The following RGS3 variants were observed in gnomAD, a reference collection of about 807,000 sequenced individuals.
RGS3 encodes the protein regulator of G-protein signalling 3.
In RGS3, 80 loss-of-function variants were observed where a neutral mutation model predicts 132.6. That is an observed-to-expected ratio of 0.60 (90% confidence interval 0.50 to 0.73). The LOEUF is 0.73. Among genes scored for constraint, RGS3 ranks in the 30% least tolerant of loss-of-function variants. RGS3 has a pLI of 0.00. For synonymous variants in RGS3, 598 were observed against 620.6 expected (o/e 0.96, Z 0.54); for missense variants, 1,382 against 1,530.8 (o/e 0.90, Z 1.62).
At chr9:113,596,982 C>T (rs370377985) in exon 25 of RGS3, 2 of 1,563,494 alleles carry the variant, frequency 1.3e-6, no homozygotes, top group East Asian at 2.3e-5. Flanking sequence ...TCAGCGTTCA[C>T]ACCAGGCGGG....
At chr9:113,550,091 C>T (rs1225367863) in intron 19 of RGS3, among the ~76,000 whole-genome samples, 4 of 152,196 alleles carry the variant, frequency 2.6e-5, no homozygotes, top group Admixed American at 6.5e-5. Flanking sequence ...TTGTTGGGCG[C>T]GGTGGCTCAT....
In RGS3 at chr9:113,591,499, G is replaced by T. The variant is rs777796258; in HGVS notation, c.3080+102G>T. ...AGGTGGGGAGAAGAGGTTGTGCCTG[G>T]TCCCGCCCACAACCCCAGACAGACA... On this transcript the variant is annotated intron_variant, in intron 21 of 24. Coordinates refer to ENST00000350696, the Ensembl canonical transcript of RGS3. The surrounding 1 kb of genome is among the most constrained non-coding windows in gnomAD (Gnocchi z 4.4). 1.9e-6 allele frequency: 2 copies of T among 1,042,670 alleles called. No individual in the cohort carries two copies. Among genetic ancestry groups the T allele is most frequent in the South Asian group, 2.6e-5 (2 of 77,494 alleles). The allele number at this position is 1,042,670 out of a possible 1,614,324, so 64.6% of individuals were successfully genotyped here.
At chr9:113,483,400 G>A (rs1830226489) in intron 5 of RGS3, among the ~76,000 whole-genome samples, 1 of 152,206 alleles carries the variant, frequency 6.6e-6, no homozygotes, top group Non-Finnish European at 1.5e-5. Flanking sequence ...AAATCCACAG[G>A]TAATCCCAAG....
chr9:113,473,664 G>C (rs1401628280), intron 3 of RGS3, among the ~76,000 whole-genome samples: 2 of 152,184 alleles, frequency 1.3e-5, no homozygotes, highest in African/African-American at 4.8e-5. Flanking sequence ...TGGGATTACA[G>C]GTGTGAGCCA....
At chr9:113,555,413 C>T (rs766168262) in intron 19 of RGS3, among the ~76,000 whole-genome samples, 49 of 152,162 alleles carry the variant, frequency 3.2e-4, no homozygotes, top group Non-Finnish European at 6.3e-4. Context: ...TCTCTGCTTT[C>T]CTCCATACCT....
upstream of RGS3, among the ~76,000 whole-genome samples, chr9:113,455,804 T>C (rs1400740870): frequency 1.3e-5 from 2 of 152,184 alleles, no homozygotes; most frequent in East Asian, 3.8e-4. Context: ...AGGCAAATCC[T>C]TCATTTCAAG....
rs144088247 is a variant in RGS3 at position 113,591,051 on chromosome 9, C to T, written c.3016-282C>T. ...ACCTGCTCACTGCCTGCAATGAAGC[C>T]TCTGTCCTGAGTGCCAGCCGTCTGG... On this transcript the variant is annotated intron_variant, in intron 20 of 24. Transcript: ENST00000350696. This position sits in a 1 kb window ranked among gnomAD's most constrained non-coding sequence, Gnocchi z 4.4. Among the ~76,000 whole-genome samples the T allele has an allele frequency of 6.8e-4, 103 of 152,348 alleles. 1 individual carries two copies. The East Asian group carries it at 0.019, about 28-fold the overall frequency.
chr9:113,539,536 C>T (rs1333772468), intron 19 of RGS3, among the ~76,000 whole-genome samples: 1 of 152,210 alleles, frequency 6.6e-6, no homozygotes, highest in African/African-American at 2.4e-5. Context: ...TCTCGAACTC[C>T]TGACCTCAAG....
chr9:113,568,082 A>G (rs1834090769), intron 19 of RGS3, among the ~76,000 whole-genome samples: 1 of 152,238 alleles, frequency 6.6e-6, no homozygotes, highest in Non-Finnish European at 1.5e-5. Flanking sequence ...TTTGCACCAA[A>G]CTATAGATAG....
exon 19 of RGS3, chr9:113,536,815 C>G: frequency 6.2e-7 from 1 of 1,614,158 alleles, no homozygotes; most frequent in South Asian, 1.1e-5. Context: ...TGCTTATTCA[C>G]TTTGGAAGCG....
At chr9:113,471,195 A>G (rs1460345365) in intron 3 of RGS3, among the ~76,000 whole-genome samples, 1 of 151,854 alleles carries the variant, frequency 6.6e-6, no homozygotes, top group Non-Finnish European at 1.5e-5. Flanking sequence ...CTCTATTCCT[A>G]TGGAGCAACC....
intron 4 of RGS3, among the ~76,000 whole-genome samples, chr9:113,482,710 G>A (rs1404648541): frequency 6.6e-6 from 1 of 152,190 alleles, no homozygotes; most frequent in African/African-American, 2.4e-5. Flanking sequence ...GGTTCCCCTC[G>A]AAGCCTCATT....
chr9:113,476,831 T>C (rs1830007894), intron 3 of RGS3, among the ~76,000 whole-genome samples: 1 of 152,246 alleles, frequency 6.6e-6, no homozygotes, highest in Admixed American at 6.5e-5. Context: ...TCCTGACTTC[T>C]GGGCAAAGGG....
chr9:113,514,671 T>C lies in RGS3; in HGVS notation c.1674+17T>C, dbSNP rs1185908106. The C allele has an allele frequency of 1.2e-6, 2 of 1,611,112 alleles. No individual in the cohort carries two copies. Among genetic ancestry groups the C allele is most frequent in the South Asian group, 2.2e-5 (2 of 90,892 alleles). ...TTTGTTCAGGTGAGCCCGTGGCTGG[T>C]CTTAAAGGTTCCCTCAGGAGGAACG... On this transcript the variant is annotated intron_variant, in intron 15 of 24. Coordinates refer to ENST00000350696, the Ensembl canonical transcript of RGS3.
intron 16 of RGS3, chr9:113,522,138 G>C (rs1831986314): frequency 6.6e-6 from 1 of 152,132 alleles, no homozygotes; most frequent in Non-Finnish European, 1.5e-5. Flanking sequence ...TCTAAGAATA[G>C]CCTCTGCCTT....
Position 113,507,590 on chromosome 9 carries a change from C to T in RGS3, c.1389C>T (p.Pro463=). The T allele has an allele frequency of 6.6e-7, 1 of 1,514,978 alleles. No individual in the cohort carries two copies. Among genetic ancestry groups the T allele is most frequent in the Non-Finnish European group, 8.9e-7 (1 of 1,128,436 alleles). 93.8% of individuals were successfully genotyped at this position (1,514,978 alleles called of 1,614,324 possible). The stretch of plus-strand genomic sequence containing the variant: ...CTGCACTGTCCCGTGCCACTGCCCC[C>T]ACCGACCCCAACTACATCATCCTGG... The change falls in exon 13 of 25, where the codon CCC becomes CCT. Residue 463 remains proline (P), a synonymous_variant. Transcript: ENST00000350696. This position sits in a 1 kb window ranked among gnomAD's most constrained non-coding sequence, Gnocchi z 5.0.
Position 113,579,554 on chromosome 9 carries a change from A to G in RGS3, c.2038-3896A>G, listed in dbSNP as rs72763841. Among the ~76,000 whole-genome samples the G allele has an allele frequency of 0.16, 24,020 of 152,174 alleles. 2,031 individuals carry two copies. The highest frequency in any genetic ancestry group is 0.2 in the African/African-American group (8,244 of 41,492). On this transcript the variant is annotated intron_variant, in intron 19 of 24. Coordinates refer to ENST00000350696, the Ensembl canonical transcript of RGS3. The surrounding 1 kb of genome is among the most constrained non-coding windows in gnomAD (Gnocchi z 4.3). ...GTGGGGCAGTGGCTTCCAGCACTCT[A>G]GACCCAAGGCCCTGGGTGAGCAAGC...
intron 17 of RGS3, among the ~76,000 whole-genome samples, chr9:113,525,693 T>G (rs2119425254): frequency 6.6e-6 from 1 of 152,330 alleles, no homozygotes; most frequent in Non-Finnish European, 1.5e-5. Context: ...GGCTGCTCCC[T>G]GGCAGGGGAG....
Position 113,494,379 on chromosome 9 carries a change from G to A in RGS3, c.690-1407G>A, listed in dbSNP as rs776399455. On this transcript the variant is annotated intron_variant, in intron 7 of 24. Coordinates refer to ENST00000350696, the Ensembl canonical transcript of RGS3. ...ACTCACATTACTCATTAAATTTACA[G>A]CTTTGTAAACTTCTTTTTCTCTAAC... Among the ~76,000 whole-genome samples, 76 of 152,212 alleles carry A rather than the reference G, an allele frequency of 5.0e-4. 1 individual carries two copies. The highest frequency in any genetic ancestry group is 6.8e-3 in the Middle Eastern group (2 of 294).
Sources: gnomAD v4.1 joint callset for allele counts (sites outside exome capture counted in the v4.1 genomes callset) on GRCh38, gnomAD v4.1.1 for gene constraint, Gnocchi (gnomAD v3.1) non-coding constraint, MANE v1.5 for transcripts, NCBI Gene and HGNC (gene_info 2026-07-23, HGNC 2026-07-21) for gene names.